The following TGFBI variants were observed in gnomAD, a reference collection of about 807,000 sequenced individuals.
TGFBI encodes the protein transforming growth factor-beta-induced protein ig-h3.
In TGFBI, 50 loss-of-function variants were observed where a neutral mutation model predicts 73.7. The ratio of observed to expected loss-of-function variants is 0.68; its 90% CI spans 0.54 to 0.86. TGFBI has a LOEUF of 0.86. Among genes scored for constraint, TGFBI ranks in the 40% least tolerant of loss-of-function variants. The pLI is 0.00. For synonymous variants in TGFBI, 362 were observed against 360.5 expected, an observed-to-expected ratio of 1.00 and a Z score of -0.05; for missense variants, 839 against 877.0, an observed-to-expected ratio of 0.96 and a Z score of 0.55.
At chr5:136,059,014 C>A in intron 12 of TGFBI, 76 bp from the exon 13 acceptor site, 1 of 1,533,786 alleles carries the variant, frequency 6.5e-7, no homozygotes, top group Non-Finnish European at 8.8e-7. Context: ...CTTACATCTT[C>A]TCCTCTGGGC....
intron 2 of TGFBI, among the ~76,000 whole-genome samples, chr5:136,039,978 C>T (rs994758505): frequency 1.3e-5 from 2 of 152,230 alleles, no homozygotes; most frequent in Non-Finnish European, 2.9e-5. Context: ...TATGGTTTAC[C>T]TTCAGTCACA....
At chr5:136,061,728 C>G in intron 15 of TGFBI, 149 bp downstream of exon 15, 2 of 710,282 alleles carry the variant, frequency 2.8e-6, no homozygotes, top group Non-Finnish European at 5.1e-6. Flanking sequence ...GCATCCTCAG[C>G]CCCAGCCTGT....
At chr5:136,034,033 A>G (rs1053705534) in intron 2 of TGFBI, among the ~76,000 whole-genome samples, 172 bp downstream of exon 2, 4 of 152,122 alleles carry the variant, frequency 2.6e-5, no homozygotes, top group Non-Finnish European at 5.9e-5. Context: ...GAAGCTGGCC[A>G]ATTTTGTTTT....
At chr5:136,062,163 G>C (rs1043497166) in intron 15 of TGFBI, among the ~76,000 whole-genome samples, 1 of 152,134 alleles carries the variant, frequency 6.6e-6, no homozygotes, top group Non-Finnish European at 1.5e-5. Context: ...GCCCCACTTG[G>C]CTCTTTTGCT....
At chr5:136,054,476 G>T (rs1751591200) in intron 9 of TGFBI, among the ~76,000 whole-genome samples, 1 of 152,246 alleles carries the variant, frequency 6.6e-6, no homozygotes, top group African/African-American at 2.4e-5. Context: ...GGGCCAAGTT[G>T]TGTGCGTGCC....
chr5:136,036,535 T>C (rs45477595), intron 2 of TGFBI, among the ~76,000 whole-genome samples: 1,953 of 152,198 alleles, frequency 0.013, 43 homozygotes, highest in African/African-American at 0.044. Flanking sequence ...TGTAGAGAGC[T>C]CAGTAAGAGT....
chr5:136,029,187 CG>C lies in TGFBI; in HGVS notation c.134+1del. 2 of 1,492,462 alleles carry C rather than the reference CG, an allele frequency of 1.3e-6. No homozygotes were observed. Among genetic ancestry groups the C allele is most frequent in the Non-Finnish European group, 1.8e-6 (2 of 1,126,180 alleles). 92.5% of individuals were successfully genotyped at this position (1,492,462 alleles called of 1,614,324 possible). A position where few individuals can be genotyped will look rare whatever the true frequency, so the allele number is the denominator to read the frequency against. ...QHSRLRGRQH[G>X]PNVCAVQKVI... ...ACAGCAGGCTCCGGGGCCGCCAGCACGGGTAAGCCGAGCCGCCTGGCCAGGG... is the reference window on the plus strand; with the variant it reads ...ACAGCAGGCTCCGGGGCCGCCAGCACGGTAAGCCGAGCCGCCTGGCCAGGG... On this transcript the variant is annotated frameshift_variant and splice_region_variant, in exon 1 of 17. Transcript: ENST00000442011. LOFTEE classifies it high-confidence loss of function.
chr5:136,037,987 A>G (rs1316923968), intron 2 of TGFBI, among the ~76,000 whole-genome samples: 4 of 152,176 alleles, frequency 2.6e-5, no homozygotes, highest in African/African-American at 9.6e-5. Context: ...AAGTCATCCA[A>G]GCAGACCCCA....
chr5:136,041,567 C>A (rs533677049), intron 2 of TGFBI, among the ~76,000 whole-genome samples: 1 of 152,314 alleles, frequency 6.6e-6, no homozygotes, highest in African/African-American at 2.4e-5. Flanking sequence ...TGATGGAATG[C>A]AGCAAGAGTC....
intron 15 of TGFBI, among the ~76,000 whole-genome samples, chr5:136,061,989 G>T (rs1037944300): frequency 6.6e-6 from 1 of 152,302 alleles, no homozygotes; most frequent in African/African-American, 2.4e-5. Context: ...CCTGGGTGAG[G>T]CTGGGGCTCT....
At chr5:136,039,743 C>T (rs933216887) in intron 2 of TGFBI, among the ~76,000 whole-genome samples, 10 of 152,180 alleles carry the variant, frequency 6.6e-5, no homozygotes, top group African/African-American at 2.4e-4. Context: ...CAGGCTGGCC[C>T]CTGGTGAGGG....
intron 11 of TGFBI, among the ~76,000 whole-genome samples, 179 bp downstream of exon 11, chr5:136,055,995 T>C (rs1446811322): frequency 6.6e-6 from 1 of 152,172 alleles, no homozygotes; most frequent in African/African-American, 2.4e-5. Context: ...CTTGAAAGCT[T>C]ACATTGGGAA....
intron 1 of TGFBI, among the ~76,000 whole-genome samples, chr5:136,031,731 T>C (rs1464832515): frequency 6.6e-6 from 1 of 152,250 alleles, no homozygotes; most frequent in Non-Finnish European, 1.5e-5. Context: ...CACTTGGTTT[T>C]CAAATCTAAG....
chr5:136,050,297 A>C (rs1751512110), intron 7 of TGFBI, among the ~76,000 whole-genome samples: 1 of 149,058 alleles, frequency 6.7e-6, no homozygotes, highest in Non-Finnish European at 1.5e-5. Flanking sequence ...GCACCACTGC[A>C]CTCCAGCCTG....
chr5:136,053,839 C>T, intron 8 of TGFBI, 104 bp from the exon 9 acceptor site: 3 of 1,533,932 alleles, frequency 2.0e-6, no homozygotes, highest in Non-Finnish European at 2.7e-6. Context: ...GTTGTTGACT[C>T]ACGAGATGAC....
Position 136,049,436 on chromosome 5 carries a change from C to T in TGFBI, c.772-3C>T. 6.2e-7 allele frequency: 1 copy of T among 1,613,632 alleles called. No individual in the cohort carries two copies. Among genetic ancestry groups the T allele is most frequent in the Non-Finnish European group, 8.5e-7 (1 of 1,179,586 alleles). On this transcript the variant is annotated splice_polypyrimidine_tract_variant and splice_region_variant and intron_variant, in intron 6 of 16. Transcript: ENST00000442011. ...AGCACTCCATCTTCTCTCCTCCCCA[C>T]AGGCTGCTGTGGCTGCATCAGGGCT...
At position 136,040,614 on chromosome 5, in the gene TGFBI, GA is replaced by G. The variant is rs1267814893; in HGVS notation, c.234-3443del. 9.8e-5 allele frequency among the ~76,000 whole-genome samples: 15 copies of G among 152,356 alleles called. No individual in the cohort carries two copies. The South Asian group carries it at 2.5e-3, about 25-fold the overall frequency. Reference sequence around the variant, plus strand: ...GATCCCTGGTGCCAAAAAGGTTGGGGACCGCTGTCCTAAGGGATCTGCTTTT... The same window carrying G: ...GATCCCTGGTGCCAAAAAGGTTGGGGCCGCTGTCCTAAGGGATCTGCTTTT... On this transcript the variant is annotated intron_variant, in intron 2 of 16. Coordinates refer to ENST00000442011, the MANE Select transcript of TGFBI (RefSeq NM_000358.3).
chr5:136,057,636 A>T (rs1751671700), intron 12 of TGFBI, among the ~76,000 whole-genome samples: 1 of 151,802 alleles, frequency 6.6e-6, no homozygotes, highest in South Asian at 2.1e-4. Context: ...AGATGCTTCC[A>T]CTCTCACAGA....
intron 2 of TGFBI, among the ~76,000 whole-genome samples, chr5:136,043,116 G>T (rs1175158151): frequency 6.6e-6 from 1 of 152,212 alleles, no homozygotes; most frequent in Non-Finnish European, 1.5e-5. Context: ...GTTTGCATTT[G>T]GTTCCAGGCC....
Sources: gnomAD v4.1 joint callset for allele counts (sites outside exome capture counted in the v4.1 genomes callset) on GRCh38, gnomAD v4.1.1 for gene constraint, MANE v1.5 for transcripts, NCBI Gene and HGNC (gene_info 2026-07-23, HGNC 2026-07-21) for gene names.